Variants in SIPA1L1 observed in about 807,000 individuals in gnomAD.
The protein encoded by SIPA1L1 is signal-induced proliferation-associated 1-like protein 1.
Under a neutral mutation model 162.7 loss-of-function variants are expected in SIPA1L1, and 26 were observed. The ratio of observed to expected loss-of-function variants is 0.16; its 90% CI spans 0.12 to 0.22. The LOEUF is 0.22. SIPA1L1 is among the 10% of genes least tolerant of loss of function. SIPA1L1 has a pLI of 1.00. For missense variants in SIPA1L1, 1,874 were observed against 2,241.0 expected, an observed-to-expected ratio of 0.84 and a Z score of 3.31; for synonymous variants, 829 against 837.4, an observed-to-expected ratio of 0.99 and a Z score of 0.17.
At chr14:71,642,247 G>C (rs1037357012) in intron 7 of SIPA1L1, among the ~76,000 whole-genome samples, 2 of 152,200 alleles carry the variant, frequency 1.3e-5, no homozygotes, top group Non-Finnish European at 2.9e-5. Context: ...TGCCTGAAGA[G>C]AGTTTCCAGG....
chr14:71,503,784 G>T (rs1368400909), intron 2 of SIPA1L1: 1 of 151,910 alleles, frequency 6.6e-6, no homozygotes, highest in African/African-American at 2.4e-5. Flanking sequence ...TACTTATCTA[G>T]TATTTCTCTT....
chr14:71,666,104 A>G (rs1005160816), intron 10 of SIPA1L1, among the ~76,000 whole-genome samples: 4 of 152,212 alleles, frequency 2.6e-5, no homozygotes, highest in Non-Finnish European at 4.4e-5. Context: ...CAAAGGATGC[A>G]AATACTATAA....
chr14:71,326,732 T>C (rs2033854508), intron 2 of SIPA1L1, among the ~76,000 whole-genome samples: 2 of 149,390 alleles, frequency 1.3e-5, no homozygotes, highest in Admixed American at 6.7e-5. Flanking sequence ...TTTTTTTTTT[T>C]TTTGAGATGG....
chr14:71,378,155 A>G (rs1595108982), intron 2 of SIPA1L1, among the ~76,000 whole-genome samples: 1 of 150,608 alleles, frequency 6.6e-6, no homozygotes, highest in Admixed American at 6.6e-5. Context: ...TTTTGTTGAT[A>G]TGGTACTTTT....
chr14:71,454,666 T>A (rs1567044770), intron 2 of SIPA1L1, among the ~76,000 whole-genome samples: 1 of 152,166 alleles, frequency 6.6e-6, no homozygotes, highest in African/African-American at 2.4e-5. Flanking sequence ...CCTGATTGGG[T>A]GCAAAGGCAG....
intron 21 of SIPA1L1, among the ~76,000 whole-genome samples, chr14:71,734,673 T>C (rs570817293): frequency 6.6e-6 from 1 of 152,230 alleles, no homozygotes; most frequent in Non-Finnish European, 1.5e-5. Context: ...CTTCATGCTG[T>C]TTATTTAGCA....
At chr14:71,597,472 A>G (rs2036176044) in intron 5 of SIPA1L1, among the ~76,000 whole-genome samples, 1 of 152,000 alleles carries the variant, frequency 6.6e-6, no homozygotes, top group Non-Finnish European at 1.5e-5. Context: ...TCTTTATCAC[A>G]TTTATGAATA....
intron 2 of SIPA1L1, chr14:71,497,866 G>C (rs2049911109): frequency 4.6e-5 from 7 of 152,174 alleles, no homozygotes; most frequent in Admixed American, 4.6e-4. Flanking sequence ...TAGATGCCCA[G>C]GTGCATGATT....
chr14:71,441,613 G>A (rs1595478742), intron 2 of SIPA1L1, among the ~76,000 whole-genome samples: 1 of 152,318 alleles, frequency 6.6e-6, no homozygotes, highest in African/African-American at 2.4e-5. Context: ...CTCCATGGCA[G>A]AGTATAGTGC....
chr14:71,447,153 A>T (rs40621), intron 2 of SIPA1L1, among the ~76,000 whole-genome samples: 46,818 of 150,942 alleles, frequency 0.31, 7,871 homozygotes, highest in East Asian at 0.68. Context: ...TGGGCAAGTG[A>T]TCCTCCTGCC....
chr14:71,559,897 C>A (rs2056648510), intron 4 of SIPA1L1, among the ~76,000 whole-genome samples: 1 of 151,682 alleles, frequency 6.6e-6, no homozygotes, highest in Middle Eastern at 3.2e-3. Flanking sequence ...GAAAACTTGT[C>A]CTTGAATAAT....
At chr14:71,476,649 TTTTATTTATTTATTTATTTA>T (rs200935200) in intron 2 of SIPA1L1, among the ~76,000 whole-genome samples, 24,482 of 146,228 alleles carry the variant, frequency 0.17, 2,624 homozygotes, top group Middle Eastern at 0.35. Flanking sequence ...AATTTGTTCG[TTTTATTTATTTATTTATTTA>T]TTTATTTATT....
At chr14:71,355,622 T>C (rs942140189) in intron 2 of SIPA1L1, among the ~76,000 whole-genome samples, 1 of 152,244 alleles carries the variant, frequency 6.6e-6, no homozygotes, top group African/African-American at 2.4e-5. Context: ...TCTTGCCAAG[T>C]TACTGTCATC....
At chr14:71,582,646 T>A (rs1324108499) in intron 4 of SIPA1L1, among the ~76,000 whole-genome samples, 1 of 152,240 alleles carries the variant, frequency 6.6e-6, no homozygotes, top group East Asian at 1.9e-4. Flanking sequence ...ATGTTTTGTA[T>A]CTATAACTTT....
chr14:71,560,288 A>G (rs1041980087), intron 4 of SIPA1L1, among the ~76,000 whole-genome samples: 2 of 152,252 alleles, frequency 1.3e-5, no homozygotes, highest in Non-Finnish European at 2.9e-5. Context: ...CCACATAAAA[A>G]GTAGCCCCAG....
intron 7 of SIPA1L1, among the ~76,000 whole-genome samples, chr14:71,634,050 T>C (rs977270937): frequency 7.0e-6 from 1 of 141,926 alleles, no homozygotes; most frequent in Non-Finnish European, 1.5e-5. Flanking sequence ...TTTTGAACAC[T>C]AAATACAAAA....
At chr14:71,356,303 G>C (rs975311069) in intron 2 of SIPA1L1, among the ~76,000 whole-genome samples, 1 of 151,620 alleles carries the variant, frequency 6.6e-6, no homozygotes, top group African/African-American at 2.4e-5. Flanking sequence ...ATGATTTGGG[G>C]CTCCATGAAT....
intron 19 of SIPA1L1, among the ~76,000 whole-genome samples, chr14:71,725,781 C>T (rs1462046998): frequency 6.6e-6 from 1 of 152,180 alleles, no homozygotes; most frequent in Non-Finnish European, 1.5e-5. Flanking sequence ...AGTGCACCCC[C>T]AGAAAGGTCA....
chr14:71,364,908 G>A (rs932904779), intron 2 of SIPA1L1, among the ~76,000 whole-genome samples: 19 of 151,648 alleles, frequency 1.3e-4, no homozygotes, highest in African/African-American at 3.9e-4. Flanking sequence ...ACCACACCCA[G>A]CTAATTTTTG....
Sources: gnomAD v4.1 joint callset for allele counts (sites outside exome capture counted in the v4.1 genomes callset) on GRCh38, gnomAD v4.1.1 for gene constraint, MANE v1.5 for transcripts, NCBI Gene and HGNC (gene_info 2026-07-23, HGNC 2026-07-21) for gene names.